LUC7L: variants seen among roughly 807,000 people sequenced by gnomAD.
The protein encoded by LUC7L is putative RNA-binding protein Luc7-like 1.
A neutral mutation model predicts 51.1 loss-of-function variants in LUC7L; 29 were observed. The ratio of observed to expected loss-of-function variants is 0.57; its 90% CI spans 0.42 to 0.77. LUC7L has a LOEUF of 0.77. Among genes scored for constraint, LUC7L ranks in the 30% least tolerant of loss-of-function variants. LUC7L has a pLI of 0.00. For synonymous variants in LUC7L, 181 were observed against 180.7 expected (o/e 1.00, Z -0.01); for missense variants, 403 against 511.9 (o/e 0.79, Z 2.05).
intron 5 of LUC7L, among the ~76,000 whole-genome samples, chr16:200,977 G>C (rs1400849182): frequency 6.6e-6 from 1 of 151,900 alleles, no homozygotes; most frequent in African/African-American, 2.4e-5. Context: ...AAGGTCAGGA[G>C]TCCGAGAAGG....
chr16:217,688 C>T (rs1242259301), intron 3 of LUC7L, among the ~76,000 whole-genome samples: 2 of 146,178 alleles, frequency 1.4e-5, no homozygotes, highest in African/African-American at 2.6e-5. Flanking sequence ...GCCTGGGCAA[C>T]AAGAGTGAGA....
intron 5 of LUC7L, among the ~76,000 whole-genome samples, chr16:201,761 T>TGA (rs1292960314): frequency 2.1e-5 from 2 of 96,204 alleles, no homozygotes; most frequent in Non-Finnish European, 4.2e-5. Context: ...TTTTTTTTTT[T>TGA]GAGAGAGAGT....
intron 7 of LUC7L, 60 bp downstream of exon 7, chr16:192,867 G>T: frequency 7.1e-6 from 10 of 1,409,522 alleles, no homozygotes; most frequent in Non-Finnish European, 1.0e-5. Flanking sequence ...CAGTGGAATG[G>T]ACCGAGCAGG....
intron 3 of LUC7L, among the ~76,000 whole-genome samples, chr16:219,947 G>A (rs1384126116): frequency 2.0e-5 from 3 of 151,396 alleles, no homozygotes; most frequent in Non-Finnish European, 4.4e-5. Flanking sequence ...ATTGAGATCA[G>A]AAAGAAATGC....
chr16:228,755 G>C lies in LUC7L; in HGVS notation c.61+524C>G, dbSNP rs1267062842. On this transcript the variant is annotated intron_variant, in intron 1 of 9. Transcript: ENST00000293872. ...AGGCTCTCCTGTGTGCTGGGGGGAA[G>C]GGGGCAGCTGGAAAAGTACTTGGCA... 8.7e-6 allele frequency: 11 copies of C among 1,269,666 alleles called. No homozygotes were observed. In the African/African-American group the frequency reaches 1.4e-4, roughly 16 times the overall value. 78.7% of individuals were successfully genotyped at this position (1,269,666 alleles called of 1,614,324 possible).
chr16:200,682 GA>G (rs765360241), intron 5 of LUC7L, among the ~76,000 whole-genome samples: 6 of 152,122 alleles, frequency 3.9e-5, no homozygotes, highest in Non-Finnish European at 8.8e-5. Flanking sequence ...AGGAGATTGA[GA>G]TCACCCTGAG....
intron 6 of LUC7L, among the ~76,000 whole-genome samples, chr16:198,724 T>C (rs1355167096): frequency 6.6e-6 from 1 of 152,046 alleles, no homozygotes; most frequent in Non-Finnish European, 1.5e-5. Context: ...TCTTACTCTA[T>C]AGCCCAGGCT....
intron 2 of LUC7L, among the ~76,000 whole-genome samples, chr16:222,788 G>A (rs1473502975): frequency 2.0e-5 from 3 of 151,174 alleles, no homozygotes; most frequent in East Asian, 3.9e-4. Context: ...GTGCCACCAC[G>A]CCCAGCTAAT....
At chr16:201,088 G>A (rs572261180) in intron 5 of LUC7L, among the ~76,000 whole-genome samples, 74 of 146,430 alleles carry the variant, frequency 5.1e-4, no homozygotes, top group Middle Eastern at 7.0e-3. Flanking sequence ...AGAATTACTT[G>A]AACCCGGGAG....
At position 194,343 on chromosome 16, in the gene LUC7L, G is replaced by A. The variant is rs2049095674; in HGVS notation, c.688-1328C>T. ...GCTGAGCTTGAACTCCTCAACTCAA[G>A]CAATCCTCCTGCCTTGGCCTCCCAA... is the stretch of plus-strand genomic sequence containing the variant. On this transcript the variant is annotated intron_variant, in intron 6 of 9. Coordinates refer to ENST00000293872, the MANE Select transcript of LUC7L (RefSeq NM_201412.3). Among the ~76,000 whole-genome samples, 5 of 152,174 alleles carry A rather than the reference G, an allele frequency of 3.3e-5. No homozygotes were observed. In the South Asian group the frequency reaches 1.0e-3, roughly 32 times the overall value.
chr16:202,822 C>T (rs1342791037), intron 5 of LUC7L, among the ~76,000 whole-genome samples: 3 of 152,178 alleles, frequency 2.0e-5, no homozygotes, highest in African/African-American at 7.2e-5. Flanking sequence ...TCCATGCCCA[C>T]AAAAGCGATA....
At chr16:193,510 A>T (rs1406021749) in intron 6 of LUC7L, among the ~76,000 whole-genome samples, 1 of 150,306 alleles carries the variant, frequency 6.7e-6, no homozygotes, top group Non-Finnish European at 1.5e-5. Context: ...TTATCATTAC[A>T]TTTTTTTTTC....
At chr16:222,700 G>A (rs1278370092) in intron 2 of LUC7L, among the ~76,000 whole-genome samples, 1 of 149,804 alleles carries the variant, frequency 6.7e-6, no homozygotes, top group Non-Finnish European at 1.5e-5. Flanking sequence ...GTGCAATCTC[G>A]GCTCACCGCA....
rs116583494 is a variant in LUC7L at position 204,170 on chromosome 16, G to C, written c.510+1834C>G. Reference sequence around the variant, plus strand: ...CATAAAAGGTATCAAATGGCCTGGCGAAGTGGCTCACGCCTGTGATCCCAG... The same window carrying C: ...CATAAAAGGTATCAAATGGCCTGGCCAAGTGGCTCACGCCTGTGATCCCAG... On this transcript the variant is annotated intron_variant, in intron 5 of 9. Coordinates refer to ENST00000293872, the MANE Select transcript of LUC7L (RefSeq NM_201412.3). Among the ~76,000 whole-genome samples, 8 of 151,988 alleles carry C rather than the reference G, an allele frequency of 5.3e-5. No homozygotes were observed. The East Asian group carries it at 1.6e-3, about 29-fold the overall frequency.
At position 227,938 on chromosome 16, in the gene LUC7L, A is replaced by C. The variant is rs142669912; in HGVS notation, c.62-602T>G. Reference sequence around the variant, plus strand: ...AAGACAATACCAAAAAAAGCAAAAAAGGAACTAGGTTAGTCAATACACACT... The same window carrying C: ...AAGACAATACCAAAAAAAGCAAAAACGGAACTAGGTTAGTCAATACACACT... On this transcript the variant is annotated intron_variant, in intron 1 of 9. Transcript: ENST00000293872. The C allele has an allele frequency of 4.0e-5, 40 of 1,003,984 alleles. No homozygotes were observed. The East Asian group carries it at 3.9e-3, about 99-fold the overall frequency. 62.2% of individuals were successfully genotyped at this position (1,003,984 alleles called of 1,614,324 possible).
chr16:198,196 G>A (rs1330961091), intron 6 of LUC7L, among the ~76,000 whole-genome samples: 1 of 146,096 alleles, frequency 6.8e-6, no homozygotes, highest in South Asian at 2.2e-4. Flanking sequence ...GGAAAATGGT[G>A]TGAACCTGGG....
intron 5 of LUC7L, among the ~76,000 whole-genome samples, chr16:203,103 G>A (rs935486683): frequency 6.6e-6 from 1 of 152,116 alleles, no homozygotes; most frequent in Non-Finnish European, 1.5e-5. Context: ...GCGAGCCATC[G>A]CACCACCGCA....
At chr16:189,377 GC>G (rs1035142058) in intron 9 of LUC7L, 38 bp from the exon 10 acceptor site, 13 of 1,580,518 alleles carry the variant, frequency 8.2e-6, no homozygotes, top group Admixed American at 3.5e-5. Context: ...GGAGGCTGCT[GC>G]CCCCCTTCTG....
intron 4 of LUC7L, 78 bp from the exon 5 acceptor site, chr16:206,225 C>T: frequency 1.4e-6 from 2 of 1,382,276 alleles, no homozygotes; most frequent in Non-Finnish European, 2.0e-6. Context: ...TTCTCCTGCT[C>T]CATTTCCAGT....
Sources: gnomAD v4.1 joint callset for allele counts (sites outside exome capture counted in the v4.1 genomes callset) on GRCh38, gnomAD v4.1.1 for gene constraint, MANE v1.5 for transcripts, NCBI Gene and HGNC (gene_info 2026-07-23, HGNC 2026-07-21) for gene names.